The following DICER1 variants were observed in gnomAD, a reference collection of about 807,000 sequenced individuals.
DICER1 encodes dicer 1, ribonuclease III, also known as endoribonuclease Dicer.
In DICER1, 43 loss-of-function variants were observed where a neutral mutation model predicts 194.1. That is an observed-to-expected ratio of 0.22 (90% CI 0.17 to 0.29). DICER1 has a LOEUF of 0.29. DICER1 is among the 10% of genes least tolerant of loss of function. The pLI is 1.00. For synonymous variants in DICER1, 832 were observed against 820.5 expected (o/e 1.01, Z -0.24); for missense variants, 1,608 against 2,317.0 (o/e 0.69, Z 6.28).
intron 1 of DICER1, among the ~76,000 whole-genome samples, chr14:95,154,358 T>C (rs1262166329): frequency 1.3e-5 from 2 of 152,204 alleles, no homozygotes; most frequent in Admixed American, 6.5e-5. Context: ...TTGAGGTATA[T>C]GTCTAAAAGA....
Position 95,089,597 on chromosome 14 carries a change from A to C in DICER1, c.*901T>G, listed in dbSNP as rs45467692. 3.6e-4 allele frequency: 83 copies of C among 231,962 alleles called. No homozygotes were observed. The Middle Eastern group carries it at 3.8e-3, about 11-fold the overall frequency. 14.4% of individuals were successfully genotyped at this position (231,962 alleles called of 1,614,324 possible). A position where few individuals can be genotyped will look rare whatever the true frequency, so the allele number is the denominator to read the frequency against. ...CTTTAGTAAAATGGGGTGTTTAGCC[A>C]AAGATCATTTTTATGATAAAAAATA... On this transcript the variant is annotated 3_prime_UTR_variant, in exon 27 of 27. Coordinates refer to ENST00000343455, the MANE Select transcript of DICER1 (RefSeq NM_177438.3).
At chr14:95,137,110 A>C (rs1328070156) in intron 1 of DICER1, among the ~76,000 whole-genome samples, 12 of 151,928 alleles carry the variant, frequency 7.9e-5, no homozygotes, top group Non-Finnish European at 1.6e-4. Context: ...GAAAGGAGGA[A>C]AAAGGGAAAG....
chr14:95,105,047 T>A lies in DICER1; in HGVS notation c.3269+24A>T, dbSNP rs1478165678. 1 of 1,611,462 alleles carries A rather than the reference T, an allele frequency of 6.2e-7. No homozygotes were observed. Among genetic ancestry groups the A allele is most frequent in the East Asian group, 2.2e-5 (1 of 44,870 alleles). On this transcript the variant is annotated intron_variant, in intron 20 of 26. Coordinates refer to ENST00000343455, the MANE Select transcript of DICER1 (RefSeq NM_177438.3). This position sits in a 1 kb window ranked among gnomAD's most constrained non-coding sequence, Gnocchi z 4.9. ...AACAGGATCTCATGATCTGTGTTCT[T>A]TCTGGCTGACTGCACAGGCATACCT...
chr14:95,116,574 C>T lies in DICER1; in HGVS notation c.1631G>A (p.Arg544Gln), dbSNP rs143533680. 6.2e-6 allele frequency: 10 copies of T among 1,613,626 alleles called. No individual in the cohort carries two copies. In the Admixed American group the frequency reaches 8.3e-5, roughly 13 times the overall value. Residue 544 changes from arginine to glutamine, a missense_variant, in exon 10 of 27, where the codon CGA (arginine) becomes CAA (glutamine). Coordinates refer to ENST00000343455, the MANE Select transcript of DICER1 (RefSeq NM_177438.3). ...VVRFDLPTEYRSYVQSKGRAR... is the reference protein window; with the variant it reads ...VVRFDLPTEYQSYVQSKGRAR... ...TCTTCCTTTAGATTGAACATAGGATCGATATTCTGTGGGCAAATCAAAACG... is the reference window on the plus strand; with the variant it reads ...TCTTCCTTTAGATTGAACATAGGATTGATATTCTGTGGGCAAATCAAAACG...
In DICER1 at chr14:95,090,393, A is replaced by C; in HGVS notation, c.*105T>G. 1 of 1,291,164 alleles carries C rather than the reference A, an allele frequency of 7.7e-7. No homozygotes were observed. Among genetic ancestry groups the C allele is most frequent in the Non-Finnish European group, 1.1e-6 (1 of 896,170 alleles). 80.0% of individuals were successfully genotyped at this position (1,291,164 alleles called of 1,614,324 possible). On this transcript the variant is annotated 3_prime_UTR_variant, in exon 27 of 27. Coordinates refer to ENST00000343455, the MANE Select transcript of DICER1 (RefSeq NM_177438.3). ...AACCAAACTTTAAATTCTGCCTTCAATTCATTCCACTCACTAACAACTTTA... is the reference window on the plus strand; with the variant it reads ...AACCAAACTTTAAATTCTGCCTTCACTTCATTCCACTCACTAACAACTTTA...
chr14:95,115,919 C>A (rs190917218), intron 10 of DICER1, 98 bp from the exon 11 acceptor site: 4 of 1,177,288 alleles, frequency 3.4e-6, no homozygotes, highest in Admixed American at 1.9e-5. Context: ...CTGAAAATAT[C>A]TCTCTCTCTC....
At chr14:95,131,132 C>T (rs1483043970) in intron 4 of DICER1, among the ~76,000 whole-genome samples, 1 of 152,118 alleles carries the variant, frequency 6.6e-6, no homozygotes, top group Non-Finnish European at 1.5e-5. Context: ...TGGATTCAAG[C>T]AATTCTCCTG....
chr14:95,125,591 G>A (rs1344515827), intron 7 of DICER1, among the ~76,000 whole-genome samples: 2 of 60,118 alleles, frequency 3.3e-5, no homozygotes, highest in African/African-American at 1.7e-4. Context: ...AGGGGAGGAG[G>A]AGGGGAGAGG....
At chr14:95,119,316 C>G (rs1456289167) in intron 8 of DICER1, among the ~76,000 whole-genome samples, 1 of 152,144 alleles carries the variant, frequency 6.6e-6, no homozygotes, top group African/African-American at 2.4e-5. Flanking sequence ...ATCAAAACCA[C>G]AGAGAACAGA....
chr14:95,116,725 C>T (rs2140127783), intron 9 of DICER1, 30 bp from the exon 10 acceptor site: 1 of 1,610,018 alleles, frequency 6.2e-7, no homozygotes, highest in Non-Finnish European at 8.5e-7. Flanking sequence ...AAGAAAAGCA[C>T]TTCTAAGAAA....
intron 1 of DICER1, among the ~76,000 whole-genome samples, chr14:95,137,726 A>G (rs547656437): frequency 4.4e-4 from 67 of 152,268 alleles, no homozygotes; most frequent in African/African-American, 1.6e-3. Flanking sequence ...ACTCCAAAAA[A>G]CCAGGGATGA....
chr14:95,108,946 T>C (rs2140039230), intron 14 of DICER1, among the ~76,000 whole-genome samples: 1 of 152,362 alleles, frequency 6.6e-6, no homozygotes, highest in African/African-American at 2.4e-5. Flanking sequence ...ACAGCCTTTA[T>C]TAACATTTTG....
intron 2 of DICER1, 55 bp downstream of exon 2, chr14:95,133,260 C>T: frequency 6.3e-7 from 1 of 1,585,580 alleles, no homozygotes. Flanking sequence ...CAACTATATG[C>T]TAATGTATTC....
At chr14:95,129,423 A>G (rs1395570799) in intron 6 of DICER1, 49 bp downstream of exon 6, 1 of 1,574,466 alleles carries the variant, frequency 6.4e-7, no homozygotes, top group Non-Finnish European at 8.7e-7. Flanking sequence ...AAGACTTAAT[A>G]TTGTTTTCAA....
At chr14:95,125,869 G>A (rs1394117902) in intron 7 of DICER1, among the ~76,000 whole-genome samples, 2 of 151,786 alleles carry the variant, frequency 1.3e-5, no homozygotes, top group African/African-American at 2.4e-5. Flanking sequence ...AAGAGGAAAG[G>A]AAAGGGAAGG....
intron 1 of DICER1, among the ~76,000 whole-genome samples, chr14:95,151,570 G>A (rs376311615): frequency 1.9e-4 from 28 of 144,132 alleles, no homozygotes; most frequent in East Asian, 1.5e-3. Flanking sequence ...CTCAAGAGAC[G>A]TTGCCATATG....
At chr14:95,107,583 T>C (rs1891547077) in intron 17 of DICER1, 25 bp downstream of exon 17, 1 of 1,612,254 alleles carries the variant, frequency 6.2e-7, no homozygotes, top group Non-Finnish European at 8.5e-7. Context: ...ATCACCACCA[T>C]TTTCCTTTCC....
rs1260423615 is a variant in DICER1 at position 95,089,485 on chromosome 14, A to C, written c.*1013T>G. On this transcript the variant is annotated 3_prime_UTR_variant, in exon 27 of 27. Coordinates refer to ENST00000343455, the MANE Select transcript of DICER1 (RefSeq NM_177438.3). Reference sequence around the variant, plus strand: ...AGCATATTTTAGGTGTGATATGTCTAAGGTTTATTTTGTTAGAGCAACAGC... The same window carrying C: ...AGCATATTTTAGGTGTGATATGTCTCAGGTTTATTTTGTTAGAGCAACAGC... The C allele has an allele frequency of 4.3e-6, 1 of 232,396 alleles. No homozygotes were observed. The highest frequency in any genetic ancestry group is 5.6e-5 in the Admixed American group (1 of 17,776). The allele number at this position is 232,396 out of a possible 1,614,324, so 14.4% of individuals were successfully genotyped here.
intron 8 of DICER1, among the ~76,000 whole-genome samples, chr14:95,122,919 T>TGTGCGCGTGCGTGTACGCGCGC (rs1893057332): frequency 6.6e-6 from 1 of 151,284 alleles, no homozygotes; most frequent in African/African-American, 2.4e-5. Flanking sequence ...GTTAAGCGCG[T>TGTGCGCGTGCGTGTACGCGCGC]GTGCGCGTGC....
Sources: allele counts gnomAD v4.1 joint callset (sites outside exome capture counted in the v4.1 genomes callset), GRCh38; gene constraint gnomAD v4.1.1; non-coding constraint Gnocchi (gnomAD v3.1); transcripts MANE v1.5; gene names NCBI Gene and HGNC (gene_info 2026-07-23, HGNC 2026-07-21).